Variants in TLE6 observed in about 807,000 individuals in gnomAD.
TLE6 encodes TLE family member 6, subcortical maternal complex member.
TLE6 carries 72 observed loss-of-function variants against 77.1 expected under a neutral mutation model. The observed-to-expected ratio is 0.93, with a 90% confidence interval of 0.77 to 1.14. The LOEUF is 1.14. TLE6 is among the 50% of genes most tolerant of loss of function. The pLI is 0.00. For synonymous variants in TLE6, 366 were observed against 287.3 expected, an observed-to-expected ratio of 1.27 and a Z score of -2.77; for missense variants, 843 against 747.6, an observed-to-expected ratio of 1.13 and a Z score of -1.49.
At position 2,978,856 on chromosome 19, in the gene TLE6, G is replaced by A. The variant is rs1469371849; in HGVS notation, c.51+572G>A. On this transcript the variant is annotated intron_variant, in intron 2 of 16. Coordinates refer to ENST00000246112, the MANE Select transcript of TLE6 (RefSeq NM_001143986.2). The stretch of plus-strand genomic sequence containing the variant: ...GCAATCCCCGCTCCCTGCACTTTGC[G>A]TCCCAGAGATGACCATTTGTAAATT... Among the ~76,000 whole-genome samples, 14 of 152,226 alleles carry A rather than the reference G, an allele frequency of 9.2e-5. No homozygotes were observed. In the South Asian group the frequency reaches 1.5e-3, roughly 16 times the overall value.
intron 12 of TLE6, 31 bp from the exon 13 acceptor site, chr19:2,989,504 C>A (rs755795422): frequency 1.9e-6 from 3 of 1,594,652 alleles, no homozygotes; most frequent in Admixed American, 1.7e-5. Flanking sequence ...CCACGGGGGG[C>A]GACAGCTCAC....
intron 12 of TLE6, 47 bp downstream of exon 12, chr19:2,989,360 G>A (rs1160394865): frequency 8.7e-6 from 14 of 1,603,550 alleles, no homozygotes; most frequent in Non-Finnish European, 1.0e-5. Context: ...CTGGGAACAG[G>A]GGGTTTGAGG....
chr19:2,978,187 T>C lies in TLE6; in HGVS notation c.-36-11T>C, dbSNP rs1198983322. On this transcript the variant is annotated splice_polypyrimidine_tract_variant and intron_variant, in intron 1 of 16. Coordinates refer to ENST00000246112, the MANE Select transcript of TLE6 (RefSeq NM_001143986.2). ...TGTCCCTCAAGACCTGCCGTCTCCT[T>C]GTTGTTTTAGACTCTGGCTAAAGTC... 1.3e-6 allele frequency: 2 copies of C among 1,543,160 alleles called. No homozygotes were observed. The highest frequency in any genetic ancestry group is 2.0e-5 in the Admixed American group (1 of 50,890).
intron 14 of TLE6, among the ~76,000 whole-genome samples, 180 bp downstream of exon 14, chr19:2,992,164 C>T (rs1382512403): frequency 6.6e-6 from 1 of 151,498 alleles, no homozygotes; most frequent in African/African-American, 2.4e-5. Context: ...AGTGAAACCC[C>T]ATCTCCACTA....
intron 13 of TLE6, among the ~76,000 whole-genome samples, chr19:2,990,573 C>T (rs2089022631): frequency 6.7e-6 from 1 of 149,220 alleles, no homozygotes; most frequent in African/African-American, 2.4e-5. Flanking sequence ...CCACTGCGTT[C>T]CCAGCCTGGG....
intron 13 of TLE6, among the ~76,000 whole-genome samples, chr19:2,990,145 AC>A (rs1348619009): frequency 6.6e-6 from 1 of 152,000 alleles, no homozygotes; most frequent in Non-Finnish European, 1.5e-5. Flanking sequence ...AAACATGTAA[AC>A]CCAGCACTTT....
intron 8 of TLE6, 146 bp from the exon 9 acceptor site, chr19:2,987,578 C>A (rs1297105542): frequency 2.7e-6 from 3 of 1,124,372 alleles, no homozygotes; most frequent in African/African-American, 3.1e-5. Context: ...GACCCTATAC[C>A]CTGACTCTCT....
intron 5 of TLE6, 56 bp downstream of exon 5, chr19:2,982,245 G>C: frequency 1.3e-6 from 2 of 1,539,850 alleles, no homozygotes; most frequent in Non-Finnish European, 1.8e-6. Context: ...GCATGAGAAA[G>C]CACAGAGGGG....
intron 3 of TLE6, among the ~76,000 whole-genome samples, chr19:2,980,563 G>A (rs1002721069): frequency 2.7e-5 from 4 of 149,226 alleles, no homozygotes; most frequent in African/African-American, 7.4e-5. Flanking sequence ...TGGTGAAACC[G>A]CGTCTCTACA....
Position 2,991,383 on chromosome 19 carries a change from T to TACACAC in TLE6, c.1245-459_1245-458insCACACA, listed in dbSNP as rs778438599. Among the ~76,000 whole-genome samples the TACACAC allele has an allele frequency of 4.8e-3, 499 of 103,238 alleles. 3 individuals are homozygous for TACACAC. Among genetic ancestry groups the TACACAC allele is most frequent in the African/African-American group, 0.022 (453 of 20,264 alleles). The allele number at this position is 103,238 out of a possible 152,430, so 67.7% of individuals were successfully genotyped here. ...CAAAAAAAAAAAAAATACGTATATA[T>TACACAC]ATATATATATATACACACACACACA... is the stretch of plus-strand genomic sequence containing the variant. On this transcript the variant is annotated intron_variant, in intron 13 of 16. Transcript: ENST00000246112.
rs1354380994 is a variant in TLE6, at chr19:2,978,290, G to A, written c.51+6G>A. On this transcript the variant is annotated splice_donor_region_variant and intron_variant, in intron 2 of 16. Transcript: ENST00000246112. Reference sequence around the variant, plus strand: ...GCCCCCCGAAAAGCACTTCGGTGAGGAGGGCATGTGGTGGGATCAGCCCTC... The same window carrying A: ...GCCCCCCGAAAAGCACTTCGGTGAGAAGGGCATGTGGTGGGATCAGCCCTC... 6.4e-7 allele frequency: 1 copy of A among 1,551,360 alleles called. No homozygotes were observed. The highest frequency in any genetic ancestry group is 1.4e-5 in the African/African-American group (1 of 73,152).
At chr19:2,994,176 A>C in intron 16 of TLE6, 81 bp downstream of exon 16, 1 of 1,261,662 alleles carries the variant, frequency 7.9e-7, no homozygotes, top group Non-Finnish European at 1.1e-6. Flanking sequence ...CCCTGTCTCC[A>C]CAAAAAACTT....
At chr19:2,990,771 T>G (rs915869495) in intron 13 of TLE6, among the ~76,000 whole-genome samples, 41 of 146,858 alleles carry the variant, frequency 2.8e-4, no homozygotes, top group African/African-American at 9.9e-4. Flanking sequence ...GAGGCCGAGG[T>G]GGGTGGATCA....
Position 2,986,967 on chromosome 19 carries a change from GT to G in TLE6, c.286-14del. 1.9e-6 allele frequency: 3 copies of G among 1,589,854 alleles called. No homozygotes were observed. Among genetic ancestry groups the G allele is most frequent in the Non-Finnish European group, 2.6e-6 (3 of 1,168,188 alleles). The stretch of plus-strand genomic sequence containing the variant: ...TCATCCTCAAAGCTCTCACTGCCTT[GT>G]TCCTGCCGGGCCAGGTCTCACCTGC... On this transcript the variant is annotated splice_polypyrimidine_tract_variant and intron_variant, in intron 6 of 16. Transcript: ENST00000246112.
At chr19:2,990,437 A>C (rs2089019041) in intron 13 of TLE6, among the ~76,000 whole-genome samples, 1 of 150,808 alleles carries the variant, frequency 6.6e-6, no homozygotes, top group Non-Finnish European at 1.5e-5. Flanking sequence ...CCCTGTCTCT[A>C]CTAAAACTAC....
chr19:2,981,984 G>A (rs755330392), intron 4 of TLE6, among the ~76,000 whole-genome samples, 164 bp from the exon 5 acceptor site: 1 of 152,000 alleles, frequency 6.6e-6, no homozygotes, highest in Non-Finnish European at 1.5e-5. Flanking sequence ...AAAAAAGGTA[G>A]GGACCATACA....
chr19:2,985,327 C>A (rs964348795), intron 5 of TLE6, among the ~76,000 whole-genome samples: 1 of 151,452 alleles, frequency 6.6e-6, no homozygotes, highest in African/African-American at 2.4e-5. Context: ...TAGTATCTTT[C>A]CAAAGTTTAA....
chr19:2,980,169 A>G lies in TLE6; in HGVS notation c.121A>G (p.Lys41Glu). Reference protein sequence around the residue: ...LNYQGILNRLKQFPRFSPHFA... With the variant: ...LNYQGILNRLEQFPRFSPHFA... ...TTATCAGGGCATTCTAAATCGGCTC[A>G]AGCAGTTCCCCAGGTGAGAGCAATT... is the stretch of plus-strand genomic sequence containing the variant. The change falls in exon 3 of 17, where the codon AAG (lysine) becomes GAG (glutamate). Residue 41 changes from lysine to glutamate, a missense_variant. Physicochemically the swap from Lys to Glu is moderately conservative, Grantham distance 56. Transcript: ENST00000246112. The G allele has an allele frequency of 6.5e-7, 1 of 1,547,872 alleles. No homozygotes were observed. Among genetic ancestry groups the G allele is most frequent in the South Asian group, 1.2e-5 (1 of 83,992 alleles).
chr19:2,992,012 G>A, intron 14 of TLE6, 28 bp downstream of exon 14: 6 of 1,609,540 alleles, frequency 3.7e-6, no homozygotes, highest in Non-Finnish European at 5.1e-6. Context: ...GGGTCTGCTT[G>A]GCCAGGCATC....
Sources: allele counts gnomAD v4.1 joint callset (sites outside exome capture counted in the v4.1 genomes callset), GRCh38; gene constraint gnomAD v4.1.1; transcripts MANE v1.5; gene names NCBI Gene and HGNC (gene_info 2026-07-23, HGNC 2026-07-21).